The following NXPE4 variants were observed in gnomAD, a reference collection of about 807,000 sequenced individuals.
NXPE4 encodes the protein NXPE family member 4.
NXPE4 carries 42 observed loss-of-function variants against 33.3 expected under a neutral mutation model. That is an observed-to-expected ratio of 1.26 (90% CI 0.98 to 1.63). The LOEUF (loss-of-function observed/expected upper bound fraction) is 1.63. Ranked by LOEUF, NXPE4 falls within the 40% of genes most tolerant of loss-of-function variation. The pLI is 0.00. For missense variants in NXPE4, 709 were observed against 647.6 expected (o/e 1.09, Z -1.03); for synonymous variants, 253 against 234.9 (o/e 1.08, Z -0.71).
chr11:114,663,669 TC>T, the NXPE4 span, among the ~76,000 whole-genome samples: 4 of 136,626 alleles, frequency 2.9e-5, no homozygotes, highest in African/African-American at 8.8e-5. Flanking sequence ...TTATCTATCA[TC>T]TATCTATTTA....
chr11:114,587,877 T>C (rs1949344324), intron 2 of NXPE4, among the ~76,000 whole-genome samples: 1 of 152,194 alleles, frequency 6.6e-6, no homozygotes, highest in African/African-American at 2.4e-5. Context: ...TTCTTTTGCA[T>C]AAGGGTGTGG....
rs572641123 is a variant in NXPE4, at chr11:114,582,549, G to T, written c.569C>A (p.Ala190Asp). ...GCCTTGGTTCCTTGCACTCCAGAGA[G>T]CTGACACCCCTTCACTGGGGTGGAT... ...LLIHPSEGVS[A>D]LWSARNQGYD... The change falls in exon 3 of 6, where the codon GCT becomes GAT. Residue 190 changes from alanine (A) to aspartate (D), a missense_variant. Coordinates refer to ENST00000375478, the MANE Select transcript of NXPE4 (RefSeq NM_001077639.2). 17 of 1,614,052 alleles carry T rather than the reference G, an allele frequency of 1.1e-5. No homozygotes were observed. Among genetic ancestry groups the T allele is most frequent in the Middle Eastern group, 1.6e-4 (1 of 6,080 alleles).
chr11:114,621,909 A>G, the NXPE4 span, among the ~76,000 whole-genome samples: 1,066 of 150,908 alleles, frequency 7.1e-3, 14 homozygotes, highest in Middle Eastern at 0.059. Context: ...GTAACCAGTT[A>G]CCTGGTGGAT....
chr11:114,614,753 A>G, the NXPE4 span, among the ~76,000 whole-genome samples: 1 of 150,798 alleles, frequency 6.6e-6, no homozygotes, highest in African/African-American at 2.4e-5. Flanking sequence ...TACCCAGTGG[A>G]TAATAAGTGT....
the NXPE4 span, among the ~76,000 whole-genome samples, chr11:114,631,886 GATA>G: frequency 6.6e-6 from 1 of 150,828 alleles, no homozygotes; most frequent in Non-Finnish European, 1.5e-5. Context: ...TTACCCAGTG[GATA>G]ATAAGTATTG....
the NXPE4 span, among the ~76,000 whole-genome samples, chr11:114,644,476 T>C: frequency 2.0e-5 from 3 of 152,328 alleles, no homozygotes; most frequent in Admixed American, 6.5e-5. Flanking sequence ...GAGTGTTAAA[T>C]TTTATCAATT....
chr11:114,650,453 T>G, the NXPE4 span, among the ~76,000 whole-genome samples: 1 of 152,130 alleles, frequency 6.6e-6, no homozygotes, highest in Non-Finnish European at 1.5e-5. Flanking sequence ...TCCTATTTGG[T>G]GCAGGCATGA....
chr11:114,605,988 G>A, the NXPE4 span, among the ~76,000 whole-genome samples: 1 of 151,738 alleles, frequency 6.6e-6, no homozygotes, highest in Non-Finnish European at 1.5e-5. Context: ...TTGTTACCAG[G>A]TGGATACTAA....
At chr11:114,600,332 TAA>T (rs1232014640), upstream of NXPE4, among the ~76,000 whole-genome samples, 4 of 152,084 alleles carry the variant, frequency 2.6e-5, no homozygotes, top group East Asian at 1.9e-4. Context: ...TCAAAACAAT[TAA>T]AAGTCTTCTC....
the NXPE4 span, among the ~76,000 whole-genome samples, chr11:114,613,818 A>G: frequency 2.7e-5 from 4 of 150,202 alleles, no homozygotes; most frequent in African/African-American, 9.8e-5. Flanking sequence ...CTTGCCTCAT[A>G]AGTAACCACT....
At chr11:114,578,192 G>C (rs187129366) in intron 5 of NXPE4, among the ~76,000 whole-genome samples, 128 of 152,278 alleles carry the variant, frequency 8.4e-4, no homozygotes, top group Middle Eastern at 6.8e-3. Flanking sequence ...AACCCAGTGA[G>C]GCTGGAAAAC....
chr11:114,615,329 C>T, the NXPE4 span, among the ~76,000 whole-genome samples: 1 of 151,884 alleles, frequency 6.6e-6, no homozygotes, highest in Admixed American at 6.6e-5. Context: ...ACCACCATTA[C>T]CCGCCGGATA....
chr11:114,601,584 TTA>T, the NXPE4 span, among the ~76,000 whole-genome samples: 5 of 86,210 alleles, frequency 5.8e-5, no homozygotes, highest in African/African-American at 2.1e-4. Context: ...TAATTATATA[TTA>T]TATATATTAT....
intron 2 of NXPE4, among the ~76,000 whole-genome samples, chr11:114,594,169 T>C (rs76189001): frequency 0.019 from 2,942 of 152,154 alleles, 92 homozygotes; most frequent in African/African-American, 0.067. Flanking sequence ...TAAAAATAGC[T>C]AAAAGAGTAT....
At chr11:114,583,575 A>C in intron 2 of NXPE4, 1 of 595,358 alleles carries the variant, frequency 1.7e-6, no homozygotes, top group Non-Finnish European at 3.3e-6. Flanking sequence ...GGCCTGTTTG[A>C]CTTCTGTCAG....
At chr11:114,610,760 C>T in the NXPE4 span, among the ~76,000 whole-genome samples, 1 of 151,726 alleles carries the variant, frequency 6.6e-6, no homozygotes, top group Non-Finnish European at 1.5e-5. Context: ...TAAGTGTTGC[C>T]TTGTCGGTAA....
At chr11:114,611,876 A>C in the NXPE4 span, among the ~76,000 whole-genome samples, 4 of 151,960 alleles carry the variant, frequency 2.6e-5, no homozygotes, top group African/African-American at 9.6e-5. Context: ...GTGTATGAGA[A>C]ATATTGCCTC....
At chr11:114,642,084 T>G in the NXPE4 span, among the ~76,000 whole-genome samples, 1 of 152,204 alleles carries the variant, frequency 6.6e-6, no homozygotes, top group East Asian at 1.9e-4. Context: ...AAAGATTAAC[T>G]TCCAAAGTGG....
At chr11:114,603,699 A>G in the NXPE4 span, among the ~76,000 whole-genome samples, 1 of 151,700 alleles carries the variant, frequency 6.6e-6, no homozygotes, top group Non-Finnish European at 1.5e-5. Context: ...CTGGGGGATG[A>G]TAAGTATTGC....
Sources: gnomAD v4.1 joint callset for allele counts (sites outside exome capture counted in the v4.1 genomes callset) on GRCh38, gnomAD v4.1.1 for gene constraint, MANE v1.5 for transcripts, NCBI Gene and HGNC (gene_info 2026-07-23, HGNC 2026-07-21) for gene names.